The following CSMD1 variants were observed in gnomAD, a reference collection of about 807,000 sequenced individuals.
CSMD1 encodes the protein CUB and sushi domain-containing protein 1.
Under a neutral mutation model 417.5 loss-of-function variants are expected in CSMD1, and 213 were observed. The ratio of observed to expected loss-of-function variants is 0.51; its 90% CI spans 0.46 to 0.57. The LOEUF (loss-of-function observed/expected upper bound fraction) is 0.57, where lower values mean the gene tolerates loss of function less well. Among genes scored for constraint, CSMD1 ranks in the 20% least tolerant of loss-of-function variants. The pLI, the probability that CSMD1 is intolerant of heterozygous loss-of-function variation, is 0.00. For missense variants in CSMD1, 6,923 were observed against 4,529.7 expected (o/e 1.53, Z -15.17); for synonymous variants, 2,862 against 1,736.8 (o/e 1.65, Z -16.11).
At chr8:4,923,369 A>G (rs1806629783) in intron 1 of CSMD1, among the ~76,000 whole-genome samples, 1 of 152,170 alleles carries the variant, frequency 6.6e-6, no homozygotes, top group Admixed American at 6.5e-5. Flanking sequence ...CATACATTTT[A>G]AAATAAAGAG....
chr8:3,802,134 C>T (rs1800489952), intron 5 of CSMD1, among the ~76,000 whole-genome samples: 2 of 151,944 alleles, frequency 1.3e-5, no homozygotes. Context: ...ATAAAAATAT[C>T]CTCAGATACT....
At chr8:3,678,124 G>A (rs959442999) in intron 7 of CSMD1, among the ~76,000 whole-genome samples, 1 of 152,166 alleles carries the variant, frequency 6.6e-6, no homozygotes, top group Non-Finnish European at 1.5e-5. Flanking sequence ...GAAGACAGGT[G>A]ATTTCTGCAT....
At chr8:2,948,196 T>G (rs1265995714) in intron 68 of CSMD1, among the ~76,000 whole-genome samples, 1 of 152,092 alleles carries the variant, frequency 6.6e-6, no homozygotes, top group Non-Finnish European at 1.5e-5. Context: ...GTTGCAACAA[T>G]TATAACGACT....
intron 1 of CSMD1, among the ~76,000 whole-genome samples, chr8:4,757,962 A>C (rs1381496495): frequency 6.7e-6 from 1 of 149,022 alleles, no homozygotes; most frequent in Non-Finnish European, 1.5e-5. Context: ...TTTGTCTCAA[A>C]AAAAAAAAAA....
rs1317907258 is a variant in CSMD1 at position 3,201,649 on chromosome 8, C to T, written c.5061G>A (p.Gln1687=). ...LAELFDGTHA[Q]ARLLSSLSGS... The stretch of plus-strand genomic sequence containing the variant: ...CCGAGAGTGAGCTGAGAAGTCTGGC[C>T]TGTGCATGGGTTCCATCAAATAATT... Residue 1687 remains glutamine (Q), a synonymous_variant, in exon 32 of 70, where the codon CAG becomes CAA. Transcript: ENST00000635120. 1 of 1,605,934 alleles carries T rather than the reference C, an allele frequency of 6.2e-7. No individual in the cohort carries two copies. Among genetic ancestry groups the T allele is most frequent in the African/African-American group, 1.3e-5 (1 of 74,748 alleles).
At chr8:2,957,573 T>C (rs1397717569) in intron 63 of CSMD1, 123 bp downstream of exon 63, 3 of 674,182 alleles carry the variant, frequency 4.4e-6, no homozygotes, top group Non-Finnish European at 7.7e-6. Context: ...TTTGAGGACA[T>C]CCGAAAATTT....
At chr8:3,242,465 G>T (rs1302427673) in intron 26 of CSMD1, among the ~76,000 whole-genome samples, 3 of 152,176 alleles carry the variant, frequency 2.0e-5, no homozygotes, top group South Asian at 4.2e-4. Flanking sequence ...TGGACGTCAG[G>T]CACCTCAGAC....
chr8:4,753,966 A>G (rs992063784), intron 1 of CSMD1, among the ~76,000 whole-genome samples: 1 of 152,196 alleles, frequency 6.6e-6, no homozygotes. Context: ...AAAGCAAATG[A>G]ACAGCTTCAA....
intron 5 of CSMD1, among the ~76,000 whole-genome samples, chr8:3,782,541 A>G (rs577496931): frequency 6.6e-6 from 1 of 152,354 alleles, no homozygotes; most frequent in East Asian, 1.9e-4. Context: ...GAAATACCTA[A>G]GGTAAATGAT....
intron 9 of CSMD1, among the ~76,000 whole-genome samples, chr8:3,575,555 T>C (rs979439437): frequency 2.0e-5 from 3 of 152,184 alleles, no homozygotes; most frequent in African/African-American, 7.2e-5. Context: ...ATTGTGTCTT[T>C]TCAACTTTAA....
chr8:4,374,474 C>G (rs11136737), intron 3 of CSMD1, among the ~76,000 whole-genome samples: 104,885 of 151,904 alleles, frequency 0.69, 37,074 homozygotes, highest in African/African-American at 0.86. Context: ...GAAAGGAAGA[C>G]AGCTTGCTAC....
intron 11 of CSMD1, 123 bp downstream of exon 11, chr8:3,493,500 G>C (rs528671990): frequency 1.5e-5 from 10 of 678,290 alleles, no homozygotes; most frequent in African/African-American, 1.1e-4. Flanking sequence ...CACTACATTA[G>C]CCATAGATGG....
rs77167903 is a variant in CSMD1 at position 4,694,718 on chromosome 8, C to T, written c.86-57160G>A. ...TCTCATGTTTCCCTACAATGTGTAA[C>T]GTCAAGCTGTGCCCAACCACCTTGG... On this transcript the variant is annotated intron_variant, in intron 1 of 69. Coordinates refer to ENST00000635120, the MANE Select transcript of CSMD1 (RefSeq NM_033225.6). Among the ~76,000 whole-genome samples the T allele has an allele frequency of 2.2e-4, 33 of 152,198 alleles. No individual in the cohort carries two copies. The East Asian group carries it at 3.5e-3, about 16-fold the overall frequency.
intron 46 of CSMD1, among the ~76,000 whole-genome samples, chr8:3,097,397 G>A (rs1218977007): frequency 1.3e-5 from 2 of 152,164 alleles, no homozygotes; most frequent in Non-Finnish European, 2.9e-5. Context: ...CAGAAATACA[G>A]TGAAATGTTA....
At chr8:3,208,630 C>T (rs1348050394) in intron 30 of CSMD1, among the ~76,000 whole-genome samples, 3 of 152,052 alleles carry the variant, frequency 2.0e-5, no homozygotes, top group Non-Finnish European at 2.9e-5. Context: ...AAGTATTGAT[C>T]CTGGGTATGT....
In CSMD1 at chr8:4,012,047, G is replaced by A. The variant is rs563458606; in HGVS notation, c.611-13937C>T. Among the ~76,000 whole-genome samples, 233 of 152,124 alleles carry A rather than the reference G, an allele frequency of 1.5e-3. 2 individuals carry two copies. Among genetic ancestry groups the A allele is most frequent in the African/African-American group, 5.5e-3 (228 of 41,514 alleles). ...CAAGGAAAAAAAAAGTCAGTACATG[G>A]TCGGTACAGATGCAGCCATCATATG... On this transcript the variant is annotated intron_variant, in intron 4 of 69. Transcript: ENST00000635120.
At chr8:3,534,069 C>T (rs1361712103) in intron 10 of CSMD1, among the ~76,000 whole-genome samples, 1 of 152,056 alleles carries the variant, frequency 6.6e-6, no homozygotes, top group Non-Finnish European at 1.5e-5. Flanking sequence ...TTTTGACTTC[C>T]TTTGAAATGA....
chr8:4,199,859 G>T (rs1467745842), intron 3 of CSMD1, among the ~76,000 whole-genome samples: 2 of 152,032 alleles, frequency 1.3e-5, no homozygotes, highest in South Asian at 2.1e-4. Context: ...CCTTTACAAG[G>T]GCTTACCATG....
chr8:4,017,233 T>G (rs1434181719), intron 4 of CSMD1, among the ~76,000 whole-genome samples: 1 of 152,220 alleles, frequency 6.6e-6, no homozygotes, highest in East Asian at 1.9e-4. Flanking sequence ...TTGTCAGCAC[T>G]ATTTTTTTCA....
Sources: gnomAD v4.1 joint callset for allele counts (sites outside exome capture counted in the v4.1 genomes callset) on GRCh38, gnomAD v4.1.1 for gene constraint, MANE v1.5 for transcripts, NCBI Gene and HGNC (gene_info 2026-07-23, HGNC 2026-07-21) for gene names.